The following KCNH8 variants were observed in gnomAD, a reference collection of about 807,000 sequenced individuals.
The protein encoded by KCNH8 is voltage-gated delayed rectifier potassium channel KCNH8.
A neutral mutation model predicts 103.6 loss-of-function variants in KCNH8; 70 were observed. That is an observed-to-expected ratio of 0.68 (90% confidence interval 0.56 to 0.82). The LOEUF is 0.82. Among genes scored for constraint, KCNH8 ranks in the 40% least tolerant of loss-of-function variants. The pLI, the probability that KCNH8 is intolerant of heterozygous loss-of-function variation, is 0.00. For synonymous variants in KCNH8, 498 were observed against 489.4 expected, an observed-to-expected ratio of 1.02 and a Z score of -0.23; for missense variants, 1,217 against 1,329.9, an observed-to-expected ratio of 0.92 and a Z score of 1.32.
intron 3 of KCNH8, among the ~76,000 whole-genome samples, chr3:19,296,102 T>G (rs996379715): frequency 6.6e-6 from 1 of 152,186 alleles, no homozygotes; most frequent in African/African-American, 2.4e-5. Flanking sequence ...TATTTGACAC[T>G]TTGTGTGGGG....
chr3:19,361,654 C>T (rs1292353855), intron 5 of KCNH8, among the ~76,000 whole-genome samples: 1 of 151,998 alleles, frequency 6.6e-6, no homozygotes, highest in African/African-American at 2.4e-5. Flanking sequence ...TACATATTTG[C>T]AAATGGAGTA....
At position 19,515,323 on chromosome 3, in the gene KCNH8, A is replaced by G. The variant is rs368063616; in HGVS notation, c.2437A>G (p.Ile813Val). 1 of 1,571,764 alleles carries G rather than the reference A, an allele frequency of 6.4e-7. No individual in the cohort carries two copies. The highest frequency in any genetic ancestry group is 8.7e-7 in the Non-Finnish European group (1 of 1,151,674). Residue 813 changes from isoleucine to valine, a missense_variant and splice_region_variant, in exon 14 of 16, where the codon ATT becomes GTT. Around this residue, in one of 3 missense-constraint regions of KCNH8, gnomAD observed 558 missense variants for 495.8 expected, o/e 1.13. Coordinates refer to ENST00000328405, the MANE Select transcript of KCNH8 (RefSeq NM_144633.3). ...NAGPPDLSPR[I>V]VDGIEDGNSS... is the part of the protein sequence containing the mutation. ...GCCAATTTCCTTTATTTTAAGTAGG[A>G]TTGTTGATGGAATTGAAGATGGAAA... is the stretch of plus-strand genomic sequence containing the variant.
At chr3:19,378,429 AAAGC>A (rs1559298582) in intron 5 of KCNH8, among the ~76,000 whole-genome samples, 1 of 152,214 alleles carries the variant, frequency 6.6e-6, no homozygotes. Context: ...GTAGACAAGG[AAAGC>A]AAGGGACTGT....
At chr3:19,484,006 CT>C (rs529951109) in intron 11 of KCNH8, among the ~76,000 whole-genome samples, 4 of 151,900 alleles carry the variant, frequency 2.6e-5, no homozygotes, top group African/African-American at 2.4e-5. Context: ...GTCATATAGT[CT>C]TTTTTTTAAT....
At chr3:19,290,494 A>G (rs1021666867) in intron 3 of KCNH8, among the ~76,000 whole-genome samples, 2 of 152,172 alleles carry the variant, frequency 1.3e-5, no homozygotes. Context: ...TTCTGCATCT[A>G]TTGAGATAAT....
chr3:19,484,883 C>G (rs2068172032), intron 11 of KCNH8, among the ~76,000 whole-genome samples: 1 of 152,068 alleles, frequency 6.6e-6, no homozygotes, highest in Admixed American at 6.6e-5. Flanking sequence ...CTGGAAGTCT[C>G]TGTAGTATAG....
At chr3:19,235,720 TC>T (rs2064056503) in intron 1 of KCNH8, among the ~76,000 whole-genome samples, 1 of 152,212 alleles carries the variant, frequency 6.6e-6, no homozygotes. Context: ...GATGCTGTTA[TC>T]TTTTTAATGC....
chr3:19,295,987 C>G (rs1171681393), intron 3 of KCNH8, among the ~76,000 whole-genome samples: 2 of 152,022 alleles, frequency 1.3e-5, no homozygotes, highest in Non-Finnish European at 2.9e-5. Flanking sequence ...TGTTTTCAGA[C>G]AGTAGGAAAA....
chr3:19,500,157 G>C (rs897898105), intron 11 of KCNH8, among the ~76,000 whole-genome samples: 4 of 152,148 alleles, frequency 2.6e-5, no homozygotes, highest in Non-Finnish European at 5.9e-5. Flanking sequence ...TGATAAAACA[G>C]ACTTTAAACC....
At chr3:19,518,108 G>A in intron 15 of KCNH8, 34 bp downstream of exon 15, 1 of 1,514,002 alleles carries the variant, frequency 6.6e-7, no homozygotes, top group Non-Finnish European at 9.2e-7. Context: ...TGCCTAAATG[G>A]TAAGAGGAGA....
chr3:19,407,287 C>T (rs2066706695), intron 7 of KCNH8, among the ~76,000 whole-genome samples: 1 of 152,108 alleles, frequency 6.6e-6, no homozygotes, highest in Non-Finnish European at 1.5e-5. Flanking sequence ...TCTTCCCTAT[C>T]TTTCTATGCC....
chr3:19,509,862 G>C (rs773925750), intron 11 of KCNH8, among the ~76,000 whole-genome samples: 7 of 152,106 alleles, frequency 4.6e-5, no homozygotes, highest in Non-Finnish European at 1.0e-4. Context: ...CAGGCAAAAA[G>C]AGAAGTGAAT....
chr3:19,508,601 T>C (rs2068734863), intron 11 of KCNH8, among the ~76,000 whole-genome samples: 2 of 152,122 alleles, frequency 1.3e-5, no homozygotes, highest in Admixed American at 6.6e-5. Context: ...AAATAATTGA[T>C]AGGAAATAGG....
intron 11 of KCNH8, among the ~76,000 whole-genome samples, chr3:19,481,360 CTTT>C (rs150424217): frequency 6.6e-6 from 1 of 151,930 alleles, no homozygotes; most frequent in African/African-American, 2.4e-5. Flanking sequence ...AATTTACTTC[CTTT>C]TTGTTTCTCC....
chr3:19,312,124 T>C (rs1218172931), intron 3 of KCNH8, among the ~76,000 whole-genome samples: 2 of 151,952 alleles, frequency 1.3e-5, no homozygotes, highest in Non-Finnish European at 2.9e-5. Flanking sequence ...TCATGCCAAG[T>C]ATACTGCAGC....
chr3:19,268,378 A>C (rs764549366), intron 2 of KCNH8, among the ~76,000 whole-genome samples: 1 of 152,120 alleles, frequency 6.6e-6, no homozygotes, highest in Non-Finnish European at 1.5e-5. Context: ...CTAGTCAAAG[A>C]GAGCCACGTA....
At chr3:19,315,020 C>T (rs1486018577) in intron 3 of KCNH8, 1 of 152,304 alleles carries the variant, frequency 6.6e-6, no homozygotes, top group Non-Finnish European at 1.5e-5. Flanking sequence ...ACAGGAACTT[C>T]TGTACCATTA....
intron 15 of KCNH8, among the ~76,000 whole-genome samples, chr3:19,526,179 C>G (rs1247721651): frequency 6.6e-6 from 1 of 151,794 alleles, no homozygotes; most frequent in Admixed American, 6.6e-5. Context: ...AAAATTGTGT[C>G]TAGCAGGAAA....
At chr3:19,342,080 C>G (rs769291154) in intron 3 of KCNH8, among the ~76,000 whole-genome samples, 3 of 151,672 alleles carry the variant, frequency 2.0e-5, no homozygotes, top group African/African-American at 4.8e-5. Flanking sequence ...ATGCTATTAG[C>G]CATTTAAAAA....
Sources: allele counts gnomAD v4.1 joint callset (sites outside exome capture counted in the v4.1 genomes callset), GRCh38; gene constraint gnomAD v4.1.1; regional missense constraint gnomAD v4.1.1; transcripts MANE v1.5; gene names NCBI Gene and HGNC (gene_info 2026-07-23, HGNC 2026-07-21).